The following PDE4D variants were observed in gnomAD, a reference collection of about 807,000 sequenced individuals.
PDE4D encodes phosphodiesterase 4D, also known as 3',5'-cyclic-AMP phosphodiesterase 4D.
A neutral mutation model predicts 87.4 loss-of-function variants in PDE4D; 24 were observed. That is an observed-to-expected ratio of 0.27 (90% confidence interval 0.20 to 0.39). PDE4D has a LOEUF of 0.39. Among genes scored for constraint, PDE4D ranks in the 10% least tolerant of loss-of-function variants. The pLI, the probability that PDE4D is intolerant of heterozygous loss-of-function variation, is 1.00. For synonymous variants in PDE4D, 384 were observed against 383.2 expected (o/e 1.00, Z -0.02); for missense variants, 714 against 1,041.0 (o/e 0.69, Z 4.32).
chr5:59,001,381 G>T lies in PDE4D; in HGVS notation c.922-7916C>A, dbSNP rs1350118799. ...GTCTGTCTTAGAGAGCATGCTCTCT[G>T]ATAAGCACTCCTGTAACACTGTGTC... is the stretch of plus-strand genomic sequence containing the variant. On this transcript the variant is annotated intron_variant, in intron 6 of 14. Coordinates refer to ENST00000340635, the MANE Select transcript of PDE4D (RefSeq NM_001104631.2). Among the ~76,000 whole-genome samples the T allele has an allele frequency of 2.0e-5, 3 of 152,102 alleles. No homozygotes were observed. In the East Asian group the frequency reaches 5.8e-4, roughly 29 times the overall value.
intron 1 of PDE4D, among the ~76,000 whole-genome samples, chr5:59,536,504 C>CAAAAAAAAAAAAAAAAAAAAAAAAA (rs10586960): frequency 3.5e-5 from 2 of 56,374 alleles, no homozygotes; most frequent in African/African-American, 9.3e-5. Context: ...GACTCAGCCT[C>CAAAAAAAAAAAAAAAAAAAAAAAAA]AAAAAAAAAA....
rs148940467 is a variant in PDE4D at position 60,000,910 on chromosome 5, T to A, written c.43-12193A>T. On this transcript the variant is annotated intron_variant, in intron 2 of 16. Coordinates refer to the PDE4D transcript ENST00000502484. The stretch of plus-strand genomic sequence containing the variant: ...AGCGACCTGTCAGGACTCATTCCCA[T>A]CCATGTTCTCGGAGACAGGCTTGCC... 5.6e-3 allele frequency among the ~76,000 whole-genome samples: 849 copies of A among 152,214 alleles called. 6 individuals carry two copies. The highest frequency in any genetic ancestry group is 0.019 in the African/African-American group (808 of 41,542).
intron 1 of PDE4D, among the ~76,000 whole-genome samples, chr5:60,287,143 C>T (rs1449419441): frequency 6.6e-6 from 1 of 152,160 alleles, no homozygotes; most frequent in African/African-American, 2.4e-5. Context: ...GTCCAAGGCA[C>T]TACTCTAGAC....
At chr5:59,730,177 G>C (rs924621170) in intron 1 of PDE4D, among the ~76,000 whole-genome samples, 4 of 152,018 alleles carry the variant, frequency 2.6e-5, no homozygotes, top group African/African-American at 9.7e-5. Flanking sequence ...AAAACTTCAG[G>C]AATGTGCAAG....
chr5:59,965,574 C>T (rs968894416), intron 3 of PDE4D, among the ~76,000 whole-genome samples: 4 of 152,112 alleles, frequency 2.6e-5, no homozygotes, highest in East Asian at 3.9e-4. Context: ...TCAGAGAGGG[C>T]GCACAATCAC....
At chr5:59,799,189 C>G (rs1000511632) in intron 1 of PDE4D, among the ~76,000 whole-genome samples, 1 of 152,212 alleles carries the variant, frequency 6.6e-6, no homozygotes, top group African/African-American at 2.4e-5. Context: ...AGTAACCACA[C>G]CCCCAGCCCC....
At chr5:59,580,028 G>A (rs1050490859) in intron 1 of PDE4D, among the ~76,000 whole-genome samples, 2 of 152,184 alleles carry the variant, frequency 1.3e-5, no homozygotes, top group Non-Finnish European at 1.5e-5. Flanking sequence ...TTCACATTCA[G>A]TAAGCATCCT....
At chr5:60,445,646 G>T (rs1320964120) in intron 1 of PDE4D, among the ~76,000 whole-genome samples, 1 of 152,090 alleles carries the variant, frequency 6.6e-6, no homozygotes, top group East Asian at 1.9e-4. Context: ...GCTGGGGAAG[G>T]GGGAAATGGG....
At chr5:60,517,513 T>C (rs1232607287) in intron 1 of PDE4D, among the ~76,000 whole-genome samples, 1 of 152,202 alleles carries the variant, frequency 6.6e-6, no homozygotes, top group Admixed American at 6.5e-5. Flanking sequence ...TAAAACTCCC[T>C]GGACTCAGCC....
intron 6 of PDE4D, among the ~76,000 whole-genome samples, chr5:59,036,954 A>T (rs182269054): frequency 3.9e-5 from 6 of 152,300 alleles, no homozygotes; most frequent in Admixed American, 3.9e-4. Flanking sequence ...AACCTCTCCT[A>T]TTAAACCTGT....
intron 1 of PDE4D, among the ~76,000 whole-genome samples, chr5:59,333,271 T>G (rs1777062748): frequency 6.6e-6 from 1 of 152,322 alleles, no homozygotes. Flanking sequence ...TTATCTTCTT[T>G]TTTTTAATAT....
chr5:59,594,709 A>G (rs954812094), intron 1 of PDE4D, among the ~76,000 whole-genome samples: 1 of 152,146 alleles, frequency 6.6e-6, no homozygotes, highest in African/African-American at 2.4e-5. Context: ...TGCATAGTTA[A>G]AGGCAAAGAA....
chr5:59,962,474 AAC>A (rs1310647539), intron 3 of PDE4D, among the ~76,000 whole-genome samples: 1 of 152,062 alleles, frequency 6.6e-6, no homozygotes, highest in East Asian at 1.9e-4. Flanking sequence ...CACACCCACA[AAC>A]ACACACACCA....
At chr5:60,064,134 A>G (rs532978536) in intron 2 of PDE4D, among the ~76,000 whole-genome samples, 18 of 152,128 alleles carry the variant, frequency 1.2e-4, no homozygotes, top group Admixed American at 3.9e-4. Context: ...ATCACATATA[A>G]TTTTCATAAT....
At chr5:60,514,237 G>A (rs955039034) in intron 1 of PDE4D, among the ~76,000 whole-genome samples, 1 of 151,928 alleles carries the variant, frequency 6.6e-6, no homozygotes, top group Admixed American at 6.6e-5. Flanking sequence ...TATATGAAAT[G>A]GACGATTCAC....
intron 5 of PDE4D, among the ~76,000 whole-genome samples, chr5:59,062,655 G>C (rs1454669517): frequency 6.6e-6 from 1 of 151,082 alleles, no homozygotes; most frequent in African/African-American, 2.4e-5. Flanking sequence ...TGCACATAGA[G>C]TGATACTGCA....
chr5:60,147,267 G>A (rs957989451), intron 2 of PDE4D, among the ~76,000 whole-genome samples: 9 of 152,138 alleles, frequency 5.9e-5, no homozygotes, highest in African/African-American at 2.2e-4. Context: ...CCTTATAAAT[G>A]GAAACAAAGA....
chr5:60,476,801 A>C (rs756013410), intron 1 of PDE4D, among the ~76,000 whole-genome samples: 2 of 152,166 alleles, frequency 1.3e-5, no homozygotes, highest in Admixed American at 6.5e-5. Flanking sequence ...CACCTCCGCC[A>C]TCATTCCCTT....
At chr5:60,429,153 C>T (rs1333513900) in intron 1 of PDE4D, among the ~76,000 whole-genome samples, 1 of 152,126 alleles carries the variant, frequency 6.6e-6, no homozygotes, top group East Asian at 1.9e-4. Context: ...AATGTTTTTC[C>T]ATTTGTTTAT....
Sources: gnomAD v4.1 joint callset for allele counts (sites outside exome capture counted in the v4.1 genomes callset) on GRCh38, gnomAD v4.1.1 for gene constraint, MANE v1.5 for transcripts, NCBI Gene and HGNC (gene_info 2026-07-23, HGNC 2026-07-21) for gene names.